The following USH2A variants were observed in gnomAD, a reference collection of about 807,000 sequenced individuals.
The protein encoded by USH2A is Usher syndrome 2A (autosomal recessive, mild).
In USH2A, 443 loss-of-function variants were observed where a neutral mutation model predicts 538.9. That is an observed-to-expected ratio of 0.82 (90% CI 0.76 to 0.89). USH2A has a LOEUF of 0.89. USH2A is among the 40% of genes least tolerant of loss of function. The pLI is 0.00. For missense variants in USH2A, 6,633 were observed against 6,324.8 expected, an observed-to-expected ratio of 1.05 and a Z score of -1.65; for synonymous variants, 2,413 against 2,273.5, an observed-to-expected ratio of 1.06 and a Z score of -1.75.
At chr1:216,007,220 TAC>T (rs1377780584) in intron 32 of USH2A, among the ~76,000 whole-genome samples, 2 of 152,150 alleles carry the variant, frequency 1.3e-5, no homozygotes, top group Admixed American at 6.5e-5. Flanking sequence ...CTTTACAAAT[TAC>T]ACAGTCTCGG....
intron 30 of USH2A, among the ~76,000 whole-genome samples, chr1:216,051,961 T>G (rs2030800688): frequency 6.6e-6 from 1 of 152,224 alleles, no homozygotes. Flanking sequence ...TTCTATAGAC[T>G]TTCAGAGGGA....
intron 19 of USH2A, among the ~76,000 whole-genome samples, chr1:216,192,406 G>A (rs1167789260): frequency 2.0e-5 from 3 of 151,982 alleles, no homozygotes; most frequent in African/African-American, 4.8e-5. Flanking sequence ...AAGAGAATAA[G>A]GTAGGCCCAG....
chr1:216,273,172 C>T (rs1224206003), intron 11 of USH2A, among the ~76,000 whole-genome samples: 3 of 152,046 alleles, frequency 2.0e-5, no homozygotes, highest in East Asian at 1.9e-4. Context: ...AAAGGGGTGT[C>T]GGACTTTTGA....
At chr1:216,173,854 T>G in intron 21 of USH2A, 1 of 633,318 alleles carries the variant, frequency 1.6e-6, no homozygotes. Flanking sequence ...TCAAGCCAAA[T>G]ATTGGATCAG....
intron 21 of USH2A, among the ~76,000 whole-genome samples, chr1:216,173,741 A>G (rs1232270435): frequency 6.6e-6 from 1 of 152,162 alleles, no homozygotes; most frequent in Non-Finnish European, 1.5e-5. Flanking sequence ...TGATCCCATC[A>G]AAAATCTGTC....
At chr1:215,817,833 T>C (rs1365613747) in intron 47 of USH2A, among the ~76,000 whole-genome samples, 2 of 152,022 alleles carry the variant, frequency 1.3e-5, no homozygotes, top group Admixed American at 1.3e-4. Context: ...CAGCGGACTC[T>C]TGAACAAAAT....
intron 30 of USH2A, among the ~76,000 whole-genome samples, chr1:216,063,676 C>T (rs1054229310): frequency 3.9e-5 from 6 of 152,082 alleles, no homozygotes; most frequent in Admixed American, 2.6e-4. Context: ...GAGTGACTCC[C>T]GTACTTAAAT....
chr1:216,306,207 ATT>A (rs561636030), intron 9 of USH2A, among the ~76,000 whole-genome samples: 1 of 149,162 alleles, frequency 6.7e-6, no homozygotes, highest in Non-Finnish European at 1.5e-5. Flanking sequence ...TGTTCATTTA[ATT>A]TTTTTTTTTC....
chr1:215,791,454 GAC>G (rs1661978970), intron 50 of USH2A, among the ~76,000 whole-genome samples: 1 of 152,128 alleles, frequency 6.6e-6, no homozygotes, highest in African/African-American at 2.4e-5. Context: ...ATTGAAAGTA[GAC>G]ATTGGTTTGG....
chr1:215,912,655 T>TA (rs1477146629), intron 38 of USH2A, among the ~76,000 whole-genome samples: 1 of 151,884 alleles, frequency 6.6e-6, no homozygotes, highest in African/African-American at 2.4e-5. Flanking sequence ...AATTACTTTT[T>TA]AAAAAACTTT....
At chr1:216,234,019 T>C (rs1240743471) in intron 13 of USH2A, among the ~76,000 whole-genome samples, 2 of 152,128 alleles carry the variant, frequency 1.3e-5, no homozygotes, top group African/African-American at 4.8e-5. Flanking sequence ...CAAATAAAAA[T>C]GAATTGTACA....
intron 65 of USH2A, among the ~76,000 whole-genome samples, chr1:215,649,832 A>C (rs1318020267): frequency 1.3e-5 from 2 of 152,236 alleles, no homozygotes; most frequent in African/African-American, 4.8e-5. Flanking sequence ...ATTCATGAGA[A>C]ACTTGAGAGT....
At chr1:215,928,559 T>C (rs996171783) in intron 38 of USH2A, among the ~76,000 whole-genome samples, 2 of 152,096 alleles carry the variant, frequency 1.3e-5, no homozygotes, top group African/African-American at 4.8e-5. Context: ...CTCCAGTAAA[T>C]CATACATTCC....
rs1212098704 is a variant in USH2A at position 216,247,179 on chromosome 1, A to G, written c.2215T>C (p.Phe739Leu). 2 of 1,614,086 alleles carry G rather than the reference A, an allele frequency of 1.2e-6. No homozygotes were observed. Among genetic ancestry groups the G allele is most frequent in the Middle Eastern group, 3.3e-4 (2 of 6,058 alleles). ...CNFGFKFLRS[F>L]NDVGCEPCQC... ...CAGGGCTCACATCCAACATCATTAA[A>G]GCTTCGGAGAAATTTAAATCCAAAA... Residue 739 changes from phenylalanine to leucine, a missense_variant, in exon 13 of 72, where the codon TTT becomes CTT. By Grantham distance (22) the Phe-to-Leu change is conservative (BLOSUM62 0). Transcript: ENST00000307340.
At chr1:215,877,147 TA>T (rs1345727166) in intron 43 of USH2A, among the ~76,000 whole-genome samples, 2 of 152,158 alleles carry the variant, frequency 1.3e-5, no homozygotes, top group Non-Finnish European at 2.9e-5. Context: ...GATTTTTAAG[TA>T]GTGAAGCTTT....
intron 2 of USH2A, among the ~76,000 whole-genome samples, chr1:216,419,214 G>A (rs748043555): frequency 6.6e-6 from 1 of 151,994 alleles, no homozygotes; most frequent in Non-Finnish European, 1.5e-5. Context: ...ATCATCAACT[G>A]GCACAAAGCC....
chr1:216,351,850 AT>A (rs1406803819), intron 4 of USH2A, among the ~76,000 whole-genome samples: 1 of 151,722 alleles, frequency 6.6e-6, no homozygotes, highest in African/African-American at 2.4e-5. Context: ...AAAAAAAAAA[AT>A]GTTGAACATG....
At chr1:215,832,069 CCCA>C (rs2102810181) in intron 47 of USH2A, among the ~76,000 whole-genome samples, 1 of 151,914 alleles carries the variant, frequency 6.6e-6, no homozygotes, top group South Asian at 2.1e-4. Context: ...ATTTTCTGCA[CCCA>C]CAAGATGACT....
chr1:216,111,480 A>T (rs1222526476), intron 21 of USH2A, among the ~76,000 whole-genome samples: 1 of 152,132 alleles, frequency 6.6e-6, no homozygotes, highest in African/African-American at 2.4e-5. Context: ...CATGAAATAA[A>T]TGAGTAGAGC....
Sources: gnomAD v4.1 joint callset for allele counts (sites outside exome capture counted in the v4.1 genomes callset) on GRCh38, gnomAD v4.1.1 for gene constraint, MANE v1.5 for transcripts, NCBI Gene and HGNC (gene_info 2026-07-23, HGNC 2026-07-21) for gene names.